The following APBB2 variants were observed in gnomAD, a reference collection of about 807,000 sequenced individuals.
APBB2 encodes Fe65-like 1.
A neutral mutation model predicts 82.5 loss-of-function variants in APBB2; 38 were observed. That is an observed-to-expected ratio of 0.46 (90% CI 0.36 to 0.60). The LOEUF is 0.60. Among genes scored for constraint, APBB2 ranks in the 20% least tolerant of loss-of-function variants. The pLI is 0.00. For missense variants in APBB2, 772 were observed against 972.3 expected (o/e 0.79, Z 2.74); for synonymous variants, 341 against 368.2 (o/e 0.93, Z 0.85).
chr4:40,836,129 A>G (rs1177936646), intron 12 of APBB2, among the ~76,000 whole-genome samples: 1 of 152,160 alleles, frequency 6.6e-6, no homozygotes, highest in Non-Finnish European at 1.5e-5. Flanking sequence ...GGCAGGAGAC[A>G]TGGATCTGGG....
At chr4:41,159,297 A>G (rs1764252439) in intron 1 of APBB2, among the ~76,000 whole-genome samples, 1 of 151,746 alleles carries the variant, frequency 6.6e-6, no homozygotes, top group East Asian at 1.9e-4. Context: ...AAGGGAACAG[A>G]TGAATTAATA....
chr4:40,899,215 G>C (rs1774569955), intron 10 of APBB2, among the ~76,000 whole-genome samples: 1 of 152,198 alleles, frequency 6.6e-6, no homozygotes, highest in African/African-American at 2.4e-5. Flanking sequence ...AGGATTAACT[G>C]GGCTAAATTC....
chr4:41,079,549 ATTTT>A (rs36207850), intron 3 of APBB2, among the ~76,000 whole-genome samples: 1 of 145,064 alleles, frequency 6.9e-6, no homozygotes, highest in African/African-American at 2.5e-5. Flanking sequence ...AGGCTCATCA[ATTTT>A]TTTTTTTTTT....
intron 1 of APBB2, among the ~76,000 whole-genome samples, chr4:41,192,579 T>G (rs1256273212): frequency 6.6e-6 from 1 of 152,054 alleles, no homozygotes; most frequent in African/African-American, 2.4e-5. Context: ...ATGTGGAATC[T>G]TAAAAAAAAA....
intron 1 of APBB2, among the ~76,000 whole-genome samples, chr4:41,205,300 C>T (rs1205896656): frequency 1.3e-5 from 2 of 152,142 alleles, no homozygotes; most frequent in Admixed American, 6.5e-5. Context: ...GCAAGCACTA[C>T]CACCTGCCTC....
At chr4:40,888,314 C>T (rs1478945882) in intron 12 of APBB2, among the ~76,000 whole-genome samples, 1 of 152,234 alleles carries the variant, frequency 6.6e-6, no homozygotes, top group African/African-American at 2.4e-5. Context: ...TGTTTCCTTC[C>T]AGACATGTAG....
intron 3 of APBB2, among the ~76,000 whole-genome samples, chr4:41,085,983 A>C (rs1312866912): frequency 6.6e-6 from 1 of 152,198 alleles, no homozygotes; most frequent in Non-Finnish European, 1.5e-5. Flanking sequence ...GACTAACTAA[A>C]ATCAGAAGTG....
At chr4:41,205,687 G>A (rs1561035621) in intron 1 of APBB2, among the ~76,000 whole-genome samples, 1 of 152,032 alleles carries the variant, frequency 6.6e-6, no homozygotes, top group Non-Finnish European at 1.5e-5. Flanking sequence ...AGAGTCAAAA[G>A]GTAAAGTTTT....
At chr4:41,022,045 G>C (rs1711752478) in intron 5 of APBB2, among the ~76,000 whole-genome samples, 1 of 152,146 alleles carries the variant, frequency 6.6e-6, no homozygotes, top group African/African-American at 2.4e-5. Flanking sequence ...CCATCTTTAA[G>C]AGCTGTGAGA....
At chr4:40,879,534 G>A (rs546148731) in intron 12 of APBB2, among the ~76,000 whole-genome samples, 112 of 152,072 alleles carry the variant, frequency 7.4e-4, no homozygotes, top group Non-Finnish European at 1.2e-3. Context: ...TAGCTCTAGG[G>A]AACTCTATGA....
In APBB2 at chr4:41,160,037, A is replaced by AG. The variant is rs1258514181; in HGVS notation, c.-416-16896_-416-16895insC. Among the ~76,000 whole-genome samples, 137 of 146,332 alleles carry AG rather than the reference A, an allele frequency of 9.4e-4. 3 individuals are homozygous for AG. The highest frequency in any genetic ancestry group is 2.7e-3 in the African/African-American group (100 of 36,648). On this transcript the variant is annotated intron_variant, in intron 1 of 17. Transcript: ENST00000508593. ...AAGAAGAAGAAGAAGAAGAAGAAGAAAACATCACAGGATGCTGTTTTGCGG... is the reference window on the plus strand; with the variant it reads ...AAGAAGAAGAAGAAGAAGAAGAAGAAGAACATCACAGGATGCTGTTTTGCGG...
chr4:40,851,738 A>ATATATATATATATATTTTTTT (rs1192919460), intron 12 of APBB2, among the ~76,000 whole-genome samples: 1 of 67,736 alleles, frequency 1.5e-5, no homozygotes, highest in African/African-American at 4.9e-5. Context: ...ATATATATAT[A>ATATATATATATATATTTTTTT]TTTTTTTTTT....
At chr4:41,036,113 G>T (rs1719069296) in intron 4 of APBB2, among the ~76,000 whole-genome samples, 1 of 152,100 alleles carries the variant, frequency 6.6e-6, no homozygotes, top group Non-Finnish European at 1.5e-5. Flanking sequence ...AGCTATGATT[G>T]CACCATTGCA....
chr4:41,169,147 T>C (rs1580585364), intron 1 of APBB2, among the ~76,000 whole-genome samples: 2 of 131,456 alleles, frequency 1.5e-5, no homozygotes, highest in South Asian at 4.7e-4. Context: ...ATTGCGCCAC[T>C]GCACTCCAGC....
chr4:40,969,277 G>C (rs958498233), intron 6 of APBB2, among the ~76,000 whole-genome samples: 16 of 152,154 alleles, frequency 1.1e-4, no homozygotes, highest in Non-Finnish European at 2.1e-4. Context: ...ACACCCTGAA[G>C]TTAAGGACCC....
chr4:41,066,692 G>T (rs148624747), intron 3 of APBB2, among the ~76,000 whole-genome samples: 1 of 152,220 alleles, frequency 6.6e-6, no homozygotes, highest in African/African-American at 2.4e-5. Flanking sequence ...GTAAGAAACC[G>T]CATGGTATAG....
Position 41,089,414 on chromosome 4 carries a change from T to C in APBB2, c.-149+11225A>G, listed in dbSNP as rs144659609. 2.0e-5 allele frequency among the ~76,000 whole-genome samples: 3 copies of C among 152,358 alleles called. No homozygotes were observed. In the East Asian group the frequency reaches 5.8e-4, roughly 29 times the overall value. ...AAAAAGTGTCAGATATCTATTTTCG[T>C]ATTTTGGACTTCGGTTTTTTTAGGG... On this transcript the variant is annotated intron_variant, in intron 3 of 17. Transcript: ENST00000508593.
At chr4:40,904,120 C>A (rs879173159) in intron 10 of APBB2, among the ~76,000 whole-genome samples, 2 of 152,090 alleles carry the variant, frequency 1.3e-5, no homozygotes, top group African/African-American at 2.4e-5. Context: ...TTTTCACCAC[C>A]CAGGTTTCAC....
intron 10 of APBB2, among the ~76,000 whole-genome samples, chr4:40,927,385 C>T (rs1186552135): frequency 1.3e-5 from 2 of 152,156 alleles, no homozygotes; most frequent in Non-Finnish European, 2.9e-5. Flanking sequence ...TCACAAATAA[C>T]TCTATGACTC....
Sources: allele counts gnomAD v4.1 joint callset (sites outside exome capture counted in the v4.1 genomes callset), GRCh38; gene constraint gnomAD v4.1.1; transcripts MANE v1.5; gene names NCBI Gene and HGNC (gene_info 2026-07-23, HGNC 2026-07-21).